DYNC1LI2: variants seen among roughly 807,000 people sequenced by gnomAD.
The protein encoded by DYNC1LI2 is cytoplasmic dynein 1 light intermediate chain 2.
In DYNC1LI2, 19 loss-of-function variants were observed where a neutral mutation model predicts 57.8. The observed-to-expected ratio is 0.33, with a 90% CI of 0.23 to 0.48. DYNC1LI2 has a LOEUF of 0.48. Among genes scored for constraint, DYNC1LI2 ranks in the 20% least tolerant of loss-of-function variants. DYNC1LI2 has a pLI of 0.99. For synonymous variants in DYNC1LI2, 256 were observed against 233.4 expected (o/e 1.10, Z -0.88); for missense variants, 470 against 604.2 (o/e 0.78, Z 2.33).
intron 4 of DYNC1LI2, among the ~76,000 whole-genome samples, chr16:66,741,464 C>T (rs1231690859): frequency 1.3e-5 from 2 of 152,190 alleles, no homozygotes; most frequent in Non-Finnish European, 2.9e-5. Flanking sequence ...TTGTTTTAGA[C>T]AACGTGGGAC....
intron 11 of DYNC1LI2, among the ~76,000 whole-genome samples, chr16:66,726,788 CCCA>C (rs1370425091): frequency 6.6e-6 from 1 of 152,084 alleles, no homozygotes; most frequent in Non-Finnish European, 1.5e-5. Flanking sequence ...ATTACAGGTG[CCCA>C]CCATCACGCC....
intron 6 of DYNC1LI2, chr16:66,733,888 G>A (rs1026604517): frequency 9.7e-5 from 23 of 236,940 alleles, no homozygotes; most frequent in South Asian, 4.9e-4. Flanking sequence ...TACGCCGAGC[G>A]CAGTAGCTAA....
chr16:66,734,993 G>T (rs1467640335), intron 5 of DYNC1LI2, among the ~76,000 whole-genome samples: 1 of 42,286 alleles, frequency 2.4e-5, no homozygotes, highest in African/African-American at 1.8e-4. Flanking sequence ...GTGAAACTCC[G>T]TCTCAAAAAA....
rs543412853 is a variant in DYNC1LI2, at chr16:66,747,198, C to T, written c.298+1999G>A. 2.0e-5 allele frequency among the ~76,000 whole-genome samples: 3 copies of T among 152,116 alleles called. No individual in the cohort carries two copies. The South Asian group carries it at 6.2e-4, about 32-fold the overall frequency. On this transcript the variant is annotated intron_variant, in intron 3 of 12. Coordinates refer to ENST00000258198, the MANE Select transcript of DYNC1LI2 (RefSeq NM_006141.3). ...GGTTGAAGCGATTCTCCTGCCTCAG[C>T]CTCCTGGGTAGCTGGGATTACAGGC...
At chr16:66,745,108 C>T (rs1025525931) in intron 3 of DYNC1LI2, among the ~76,000 whole-genome samples, 2 of 151,814 alleles carry the variant, frequency 1.3e-5, no homozygotes, top group African/African-American at 4.8e-5. Context: ...CGGGTTTCAC[C>T]ATGTTGGCTG....
intron 4 of DYNC1LI2, 79 bp downstream of exon 4, chr16:66,742,359 G>T: frequency 6.9e-7 from 1 of 1,440,206 alleles, no homozygotes; most frequent in Non-Finnish European, 9.5e-7. Context: ...AAGCCTCTAG[G>T]ATTGGGAAAA....
At chr16:66,727,613 C>A (rs752749450) in intron 11 of DYNC1LI2, 75 bp downstream of exon 11, 343 of 1,438,702 alleles carry the variant, frequency 2.4e-4, no homozygotes, top group Admixed American at 3.0e-4. Flanking sequence ...ATAGACTCAG[C>A]CACCCAGCCC....
intron 8 of DYNC1LI2, among the ~76,000 whole-genome samples, chr16:66,729,579 T>G (rs1044803798): frequency 2.4e-4 from 34 of 143,992 alleles, no homozygotes; most frequent in African/African-American, 8.0e-4. Context: ...TAGTTTTTTT[T>G]TTTTTTTTTT....
In DYNC1LI2 at chr16:66,727,719, C is replaced by T. The variant is rs145876994; in HGVS notation, c.1230G>A (p.Thr410=). Residue 410 remains threonine (T), a synonymous_variant, in exon 11 of 13, where the codon ACG becomes ACA. Transcript: ENST00000258198. ...PASVPSSSPG[T]SVKKPDPNIK... Reference sequence around the variant, plus strand: ...TGTTTGGGTCCGGCTTTTTTACTGACGTGCCTGGGGAGGAGCTAGGCACAC... The same window carrying T: ...TGTTTGGGTCCGGCTTTTTTACTGATGTGCCTGGGGAGGAGCTAGGCACAC... The T allele has an allele frequency of 1.3e-5, 21 of 1,613,982 alleles. No homozygotes were observed. Among genetic ancestry groups the T allele is most frequent in the South Asian group, 2.2e-5 (2 of 91,086 alleles).
chr16:66,738,241 C>CTTTTTTTTTTTT (rs578021508), intron 4 of DYNC1LI2: 2 of 94,446 alleles, frequency 2.1e-5, no homozygotes, highest in African/African-American at 4.1e-5. Flanking sequence ...TCTACAGCTT[C>CTTTTTTTTTTTT]TTTTTTTTTT....
At chr16:66,736,317 G>C in intron 4 of DYNC1LI2, 73 bp from the exon 5 acceptor site, 1 of 1,543,704 alleles carries the variant, frequency 6.5e-7, no homozygotes, top group Non-Finnish European at 8.8e-7. Flanking sequence ...ACACTGAAAA[G>C]AAGGCAATAA....
rs2017689341 is a variant in DYNC1LI2, at chr16:66,734,228, G to A, written c.783C>T (p.Phe261=). 1.2e-6 allele frequency: 2 copies of A among 1,614,030 alleles called. No individual in the cohort carries two copies. The highest frequency in any genetic ancestry group is 1.3e-5 in the African/African-American group (1 of 74,936). ...LDFIQSHLRR[F]CLQYGAALIY... ...GCGCCCAAAGGATACACTGAAGGCA[G>A]AACCTCCGCAGGTGTGACTGGATAA... Residue 261 remains phenylalanine, a synonymous_variant, in exon 6 of 13, where the codon TTC becomes TTT. Coordinates refer to ENST00000258198, the MANE Select transcript of DYNC1LI2 (RefSeq NM_006141.3).
chr16:66,744,598 G>A (rs771483749), intron 3 of DYNC1LI2, among the ~76,000 whole-genome samples: 7 of 151,792 alleles, frequency 4.6e-5, no homozygotes, highest in East Asian at 1.9e-4. Context: ...GTAGTGGCAC[G>A]ATATTGGCTC....
chr16:66,728,196 C>T lies in DYNC1LI2; in HGVS notation c.1143+5G>A. On this transcript the variant is annotated splice_donor_5th_base_variant and intron_variant, in intron 10 of 12. Coordinates refer to ENST00000258198, the MANE Select transcript of DYNC1LI2 (RefSeq NM_006141.3). Reference sequence around the variant, plus strand: ...TTGACCCTCTGTTTAGTGTAAGGTACTCACAGAAGCTCTCGTGGGAGTGGC... The same window carrying T: ...TTGACCCTCTGTTTAGTGTAAGGTATTCACAGAAGCTCTCGTGGGAGTGGC... 6.2e-7 allele frequency: 1 copy of T among 1,614,116 alleles called. No homozygotes were observed. Among genetic ancestry groups the T allele is most frequent in the Non-Finnish European group, 8.5e-7 (1 of 1,180,016 alleles).
rs761825724 is a variant in DYNC1LI2, at chr16:66,751,344, G to T, written c.110C>A (p.Ser37Tyr). 1 of 1,611,514 alleles carries T rather than the reference G, an allele frequency of 6.2e-7. No individual in the cohort carries two copies. The highest frequency in any genetic ancestry group is 8.5e-7 in the Non-Finnish European group (1 of 1,178,824). The change falls in exon 2 of 13, where the codon TCC becomes TAC. Residue 37 changes from serine to tyrosine, a missense_variant and splice_region_variant. Ser to Tyr is a moderately radical substitution (Grantham distance 144). Coordinates refer to ENST00000258198, the MANE Select transcript of DYNC1LI2 (RefSeq NM_006141.3). This position sits in a 1 kb window ranked among gnomAD's most constrained non-coding sequence, Gnocchi z 5.2. ...SEEEEGQSLW[S>Y]SILSEVSTRA... ...GGTGGACACTTCGCTCAGAATGGAG[G>T]ACCTGTGGCGACAATGGCAAGAGTG...
At chr16:66,733,403 T>C (rs915625274) in intron 6 of DYNC1LI2, 4 of 151,572 alleles carry the variant, frequency 2.6e-5, no homozygotes, top group South Asian at 2.1e-4. Context: ...CTACTAAAAA[T>C]ACAAAAATTA....
intron 5 of DYNC1LI2, among the ~76,000 whole-genome samples, chr16:66,734,848 T>C (rs2017702266): frequency 6.6e-6 from 1 of 150,958 alleles, no homozygotes; most frequent in Admixed American, 6.6e-5. Context: ...AAATACAAAA[T>C]TAGCCAGGCA....
chr16:66,750,874 C>T (rs542359271), intron 2 of DYNC1LI2, among the ~76,000 whole-genome samples: 2 of 152,300 alleles, frequency 1.3e-5, no homozygotes, highest in East Asian at 3.9e-4. Context: ...CTATGCACTA[C>T]TGATGAGGCT....
At chr16:66,741,843 T>C (rs1212244564) in intron 4 of DYNC1LI2, among the ~76,000 whole-genome samples, 1 of 150,948 alleles carries the variant, frequency 6.6e-6, no homozygotes, top group African/African-American at 2.4e-5. Context: ...AAGTTCTTTG[T>C]TGTCAAAAGG....
Sources: allele counts gnomAD v4.1 joint callset (sites outside exome capture counted in the v4.1 genomes callset), GRCh38; gene constraint gnomAD v4.1.1; non-coding constraint Gnocchi (gnomAD v3.1); transcripts MANE v1.5; gene names NCBI Gene and HGNC (gene_info 2026-07-23, HGNC 2026-07-21).